Variants in ZCCHC7 observed in about 807,000 individuals in gnomAD.
ZCCHC7 encodes the protein zinc finger CCHC domain-containing protein 7.
A neutral mutation model predicts 52.0 loss-of-function variants in ZCCHC7; 35 were observed. The ratio of observed to expected loss-of-function variants is 0.67; its 90% CI spans 0.51 to 0.89. The LOEUF (loss-of-function observed/expected upper bound fraction) is 0.89, where lower values mean the gene tolerates loss of function less well. Ranked by LOEUF, ZCCHC7 falls within the 40% of genes least tolerant of loss-of-function variation. The pLI, the probability that ZCCHC7 is intolerant of heterozygous loss-of-function variation, is 0.00. For missense variants in ZCCHC7, 574 were observed against 649.1 expected, an observed-to-expected ratio of 0.88 and a Z score of 1.26; for synonymous variants, 217 against 221.5, an observed-to-expected ratio of 0.98 and a Z score of 0.18.
intron 2 of ZCCHC7, among the ~76,000 whole-genome samples, chr9:37,152,776 C>T (rs866670403): frequency 1.3e-5 from 2 of 152,168 alleles, no homozygotes; most frequent in South Asian, 4.1e-4. Flanking sequence ...TGTCTGGTTT[C>T]TCTACTGTGA....
intron 2 of ZCCHC7, among the ~76,000 whole-genome samples, chr9:37,130,148 A>C (rs961308184): frequency 1.7e-4 from 25 of 150,942 alleles, no homozygotes; most frequent in African/African-American, 6.1e-4. Flanking sequence ...CTAAGGCAGG[A>C]GAATTGCTTG....
intron 2 of ZCCHC7, among the ~76,000 whole-genome samples, chr9:37,297,130 C>G (rs1046960051): frequency 7.2e-5 from 11 of 152,096 alleles, no homozygotes. Context: ...TTCAGTATTG[C>G]TTTTTAAATA....
chr9:37,258,492 C>T (rs1826699576), intron 2 of ZCCHC7, among the ~76,000 whole-genome samples: 1 of 152,142 alleles, frequency 6.6e-6, no homozygotes, highest in Non-Finnish European at 1.5e-5. Context: ...TGCTGTGGCT[C>T]ATGCCTGTAA....
intron 1 of ZCCHC7, among the ~76,000 whole-genome samples, chr9:37,121,441 G>T (rs889601972): frequency 6.6e-6 from 1 of 152,090 alleles, no homozygotes; most frequent in Non-Finnish European, 1.5e-5. Context: ...GACTTTTCAG[G>T]TCCCCTCAGA....
At chr9:37,341,228 G>A (rs1460643568) in intron 6 of ZCCHC7, among the ~76,000 whole-genome samples, 4 of 152,110 alleles carry the variant, frequency 2.6e-5, no homozygotes, top group African/African-American at 9.7e-5. Flanking sequence ...AGACAATAAG[G>A]AAGCTGTATT....
intron 2 of ZCCHC7, among the ~76,000 whole-genome samples, chr9:37,219,734 A>G (rs1160528613): frequency 1.3e-5 from 2 of 152,264 alleles, no homozygotes; most frequent in Non-Finnish European, 2.9e-5. Context: ...TATATTTAGA[A>G]TCATGTGAGT....
At chr9:37,253,044 C>T (rs138870294) in intron 2 of ZCCHC7, among the ~76,000 whole-genome samples, 192 of 152,108 alleles carry the variant, frequency 1.3e-3, no homozygotes, top group African/African-American at 4.2e-3. Flanking sequence ...TCATTTAAAA[C>T]AACTCATATT....
intron 2 of ZCCHC7, among the ~76,000 whole-genome samples, chr9:37,137,056 T>A (rs144997657): frequency 6.6e-6 from 1 of 152,226 alleles, no homozygotes; most frequent in Non-Finnish European, 1.5e-5. Context: ...TTCCAAATAT[T>A]ATTTACTGGG....
intron 2 of ZCCHC7, among the ~76,000 whole-genome samples, chr9:37,165,030 T>G (rs939642122): frequency 3.3e-5 from 5 of 152,274 alleles, no homozygotes; most frequent in Admixed American, 2.0e-4. Context: ...AGGTCTTCTT[T>G]TATTTCTGTC....
chr9:37,297,421 A>G (rs2133670951), intron 2 of ZCCHC7, among the ~76,000 whole-genome samples: 1 of 152,316 alleles, frequency 6.6e-6, no homozygotes, highest in South Asian at 2.1e-4. Flanking sequence ...TTAAATGGAA[A>G]CTTTTTAAGG....
chr9:37,306,786 TTTTTTTTTTTTTTTTTTTG>T (rs1829344684), intron 5 of ZCCHC7, among the ~76,000 whole-genome samples: 10 of 85,012 alleles, frequency 1.2e-4, no homozygotes, highest in African/African-American at 3.6e-4. Flanking sequence ...TTTTTTTTTT[TTTTTTTTTTTTTTTTTTTG>T]GAGACAGGGT....
Position 37,354,652 on chromosome 9 carries a change from A to C in ZCCHC7, c.1084-58A>C. On this transcript the variant is annotated intron_variant, in intron 7 of 8. Transcript: ENST00000336755. The surrounding 1 kb of genome is among the most constrained non-coding windows in gnomAD (Gnocchi z 4.0). ...TAATTAACATGCTCCAGAATCTTGCAAAAAGGTTTTTGAACAGTGTGACCA... is the reference window on the plus strand; with the variant it reads ...TAATTAACATGCTCCAGAATCTTGCCAAAAGGTTTTTGAACAGTGTGACCA... 2 of 1,283,010 alleles carry C rather than the reference A, an allele frequency of 1.6e-6. No individual in the cohort carries two copies. The highest frequency in any genetic ancestry group is 1.1e-6 in the Non-Finnish European group (1 of 895,178). The allele number at this position is 1,283,010 out of a possible 1,614,324, so 79.5% of individuals were successfully genotyped here.
chr9:37,284,034 C>T (rs1026769506), intron 2 of ZCCHC7: 1 of 151,852 alleles, frequency 6.6e-6, no homozygotes, highest in Non-Finnish European at 1.5e-5. Context: ...CTGAACGAAT[C>T]AGCAGTTCGA....
chr9:37,337,648 C>G (rs1035554820), intron 6 of ZCCHC7, among the ~76,000 whole-genome samples: 10 of 151,980 alleles, frequency 6.6e-5, no homozygotes, highest in African/African-American at 2.4e-4. Context: ...CTTATTTATG[C>G]AGTCCATTTG....
At chr9:37,324,459 G>A (rs1830163561) in intron 5 of ZCCHC7, among the ~76,000 whole-genome samples, 1 of 152,212 alleles carries the variant, frequency 6.6e-6, no homozygotes, top group South Asian at 2.1e-4. Context: ...TTTATTCAGA[G>A]AGGAAGAAGC....
At chr9:37,280,151 AG>A (rs1270854127) in intron 2 of ZCCHC7, among the ~76,000 whole-genome samples, 2 of 152,180 alleles carry the variant, frequency 1.3e-5, no homozygotes, top group South Asian at 2.1e-4. Context: ...AAAAAAAAAA[AG>A]GGATGTTTCA....
At position 37,211,952 on chromosome 9, in the gene ZCCHC7, C is replaced by T. The variant is rs962780090; in HGVS notation, c.610+85010C>T. Among the ~76,000 whole-genome samples, 8 of 135,162 alleles carry T rather than the reference C, an allele frequency of 5.9e-5. No individual in the cohort carries two copies. In the East Asian group the frequency reaches 1.5e-3, roughly 25 times the overall value. The allele number at this position is 135,162 out of a possible 152,430, so 88.7% of individuals were successfully genotyped here. On this transcript the variant is annotated intron_variant, in intron 2 of 8. Coordinates refer to ENST00000336755, the MANE Select transcript of ZCCHC7 (RefSeq NM_032226.3). ...CTGAGGCGACAGAATGGCATGAACC[C>T]GGAGGCGGAGCTTGCAGTGAGCCGA... is the stretch of plus-strand genomic sequence containing the variant.
chr9:37,347,032 A>G (rs753866785), intron 6 of ZCCHC7, among the ~76,000 whole-genome samples: 61 of 152,160 alleles, frequency 4.0e-4, no homozygotes, highest in Non-Finnish European at 8.7e-4. Flanking sequence ...ACTGTTTGTT[A>G]AAGACTTTCA....
chr9:37,286,700 G>C (rs1480834587), intron 2 of ZCCHC7, among the ~76,000 whole-genome samples: 1 of 151,832 alleles, frequency 6.6e-6, no homozygotes, highest in African/African-American at 2.4e-5. Context: ...GTTTAACTTA[G>C]TACCTGGCAC....
Sources: gnomAD v4.1 joint callset for allele counts (sites outside exome capture counted in the v4.1 genomes callset) on GRCh38, gnomAD v4.1.1 for gene constraint, Gnocchi (gnomAD v3.1) non-coding constraint, MANE v1.5 for transcripts, NCBI Gene and HGNC (gene_info 2026-07-23, HGNC 2026-07-21) for gene names.